The following CHD2 variants were observed in gnomAD, a reference collection of about 807,000 sequenced individuals.
The protein encoded by CHD2 is chromodomain helicase DNA binding protein 2.
A neutral mutation model predicts 243.9 loss-of-function variants in CHD2; 28 were observed. The ratio of observed to expected loss-of-function variants is 0.11; its 90% CI spans 0.09 to 0.16. CHD2 has a LOEUF of 0.16. Among genes scored for constraint, CHD2 ranks in the 10% least tolerant of loss-of-function variants. CHD2 has a pLI of 1.00. For missense variants in CHD2, 1,386 were observed against 2,209.8 expected (o/e 0.63, Z 7.47); for synonymous variants, 775 against 779.0 (o/e 0.99, Z 0.09).
chr15:92,943,324 G>A, intron 9 of CHD2: 2 of 446,252 alleles, frequency 4.5e-6, no homozygotes, highest in Non-Finnish European at 8.2e-6. Flanking sequence ...CACAATAAGT[G>A]CATGAGATTT....
chr15:92,985,390 A>C, intron 25 of CHD2, 108 bp from the exon 26 acceptor site: 3 of 1,113,576 alleles, frequency 2.7e-6, no homozygotes, highest in Non-Finnish European at 3.7e-6. Flanking sequence ...CTTGTCTGAT[A>C]TGGTGAGAAG....
At chr15:92,968,690 A>G (rs1397478434) in intron 17 of CHD2, among the ~76,000 whole-genome samples, 2 of 152,222 alleles carry the variant, frequency 1.3e-5, no homozygotes, top group Non-Finnish European at 2.9e-5. Context: ...ATTCTTTTTT[A>G]CTTTTGCCAT....
chr15:92,927,368 C>T, intron 4 of CHD2, 38 bp downstream of exon 4: 1 of 1,388,422 alleles, frequency 7.2e-7, no homozygotes, highest in South Asian at 1.2e-5. Flanking sequence ...CATTTAAACT[C>T]CCTATCTTAC....
intron 17 of CHD2, among the ~76,000 whole-genome samples, chr15:92,968,548 A>T (rs2053797882): frequency 6.6e-6 from 1 of 152,172 alleles, no homozygotes; most frequent in South Asian, 2.1e-4. Context: ...TAGATCTGTT[A>T]ATTCATTAGA....
intron 24 of CHD2, among the ~76,000 whole-genome samples, chr15:92,982,486 C>T (rs2053992231): frequency 6.6e-6 from 1 of 152,176 alleles, no homozygotes. Flanking sequence ...GAAATTGGAT[C>T]AGTTGGCTAT....
chr15:92,957,809 G>A (rs2053635752), intron 16 of CHD2, among the ~76,000 whole-genome samples: 1 of 151,942 alleles, frequency 6.6e-6, no homozygotes, highest in Non-Finnish European at 1.5e-5. Context: ...CCCCTTGCTT[G>A]TTTGCAGTTA....
rs2141885411 is a variant in CHD2 at position 93,012,341 on chromosome 15, T to G, written c.4593-4T>G. 2 of 1,594,476 alleles carry G rather than the reference T, an allele frequency of 1.3e-6. No individual in the cohort carries two copies. Among genetic ancestry groups the G allele is most frequent in the Admixed American group, 1.8e-5 (1 of 56,034 alleles). On this transcript the variant is annotated splice_region_variant and splice_polypyrimidine_tract_variant and intron_variant, in intron 35 of 38. Coordinates refer to ENST00000394196, the MANE Select transcript of CHD2 (RefSeq NM_001271.4). ...TCACCAGAACTGTTCATTTTTCTTT[T>G]TAGGAACCTATGGATTTTTGTTTCC...
At chr15:92,985,015 T>TGGA (rs2054024091) in intron 25 of CHD2, among the ~76,000 whole-genome samples, 1 of 152,228 alleles carries the variant, frequency 6.6e-6, no homozygotes, top group African/African-American at 2.4e-5. Context: ...CCCATTTTGT[T>TGGA]GGAGGTAATA....
At chr15:92,950,538 A>G (rs1030133339) in intron 13 of CHD2, 5 of 152,166 alleles carry the variant, frequency 3.3e-5, no homozygotes, top group African/African-American at 1.2e-4. Context: ...AAAAATCCTT[A>G]TTTAGAATTA....
At chr15:92,940,810 TAAATATATATAAATATTATAAATATATAA>T (rs1186538575) in intron 7 of CHD2, among the ~76,000 whole-genome samples, 8 of 139,056 alleles carry the variant, frequency 5.8e-5, no homozygotes, top group African/African-American at 2.1e-4. Context: ...TAAATAAATA[TAAATATATATAAATATTATAAATATATAA>T]AAATATATAT....
At chr15:92,953,247 A>G in intron 13 of CHD2, 110 bp from the exon 14 acceptor site, 1 of 783,244 alleles carries the variant, frequency 1.3e-6, no homozygotes, top group South Asian at 1.7e-5. Context: ...TATGAATGAC[A>G]CCTTGCTTGG....
intron 2 of CHD2, chr15:92,904,969 G>A (rs1261735474): frequency 1.3e-6 from 2 of 1,535,760 alleles, no homozygotes; most frequent in African/African-American, 1.4e-5. Context: ...ACTTGGTACC[G>A]TACATTTTCT....
chr15:92,980,222 C>CT (rs55979414), intron 22 of CHD2, among the ~76,000 whole-genome samples: 190 of 124,946 alleles, frequency 1.5e-3, no homozygotes, highest in African/African-American at 4.4e-3. Context: ...TTTTTTTTTT[C>CT]TTTTTTTTTT....
chr15:92,919,397 C>T, intron 2 of CHD2, among the ~76,000 whole-genome samples: 1 of 145,782 alleles, frequency 6.9e-6, no homozygotes, highest in East Asian at 2.0e-4. Context: ...TTTAAAAACA[C>T]TTTTTTTTTT....
At chr15:92,901,140 C>T (rs1000157537) in intron 1 of CHD2, 27 bp from the exon 2 acceptor site, 2 of 730,492 alleles carry the variant, frequency 2.7e-6, no homozygotes, top group Non-Finnish European at 4.9e-6. Flanking sequence ...GAAGCCGGGA[C>T]CTTACCTTTC....
intron 23 of CHD2, 39 bp from the exon 24 acceptor site, chr15:92,981,326 G>C (rs768025472): frequency 6.1e-6 from 9 of 1,483,590 alleles, no homozygotes; most frequent in Non-Finnish European, 8.5e-6. Flanking sequence ...CTCATCTGTT[G>C]CCATTTTATT....
chr15:92,913,046 A>G (rs960364052), intron 2 of CHD2, among the ~76,000 whole-genome samples: 1 of 152,222 alleles, frequency 6.6e-6, no homozygotes, highest in Non-Finnish European at 1.5e-5. Flanking sequence ...TAAATCCTTA[A>G]GTTTACTTGC....
intron 2 of CHD2, among the ~76,000 whole-genome samples, chr15:92,904,048 A>G (rs1180975027): frequency 2.6e-5 from 4 of 152,210 alleles, no homozygotes; most frequent in Admixed American, 2.0e-4. Context: ...AATCTAAACT[A>G]ATAGAAATCT....
At chr15:92,989,272 T>C (rs1567154143) in intron 26 of CHD2, among the ~76,000 whole-genome samples, 2 of 152,140 alleles carry the variant, frequency 1.3e-5, no homozygotes, top group East Asian at 3.9e-4. Context: ...CCTCAGGTGA[T>C]CCACCCGCCT....
Sources: gnomAD v4.1 joint callset for allele counts (sites outside exome capture counted in the v4.1 genomes callset) on GRCh38, gnomAD v4.1.1 for gene constraint, MANE v1.5 for transcripts, NCBI Gene and HGNC (gene_info 2026-07-23, HGNC 2026-07-21) for gene names.